The following DNMT1 variants were observed in gnomAD, a reference collection of about 807,000 sequenced individuals.
DNMT1 encodes the protein DNA (cytosine-5)-methyltransferase 1.
A neutral mutation model predicts 205.3 loss-of-function variants in DNMT1; 24 were observed. The observed-to-expected ratio is 0.12, with a 90% CI of 0.08 to 0.16. The LOEUF is 0.16. Among genes scored for constraint, DNMT1 ranks in the 10% least tolerant of loss-of-function variants. The pLI is 1.00. For synonymous variants in DNMT1, 817 were observed against 839.8 expected, an observed-to-expected ratio of 0.97 and a Z score of 0.47; for missense variants, 1,293 against 2,177.7, an observed-to-expected ratio of 0.59 and a Z score of 8.09.
chr19:10,151,165 C>T lies in DNMT1; in HGVS notation c.2265+233G>A, dbSNP rs1231173264. ...GATGCCCCTAGAACTGTGTCAAATG[C>T]CCATTTTGGGACATTAGGAGAACTG... is the stretch of plus-strand genomic sequence containing the variant. On this transcript the variant is annotated intron_variant, in intron 24 of 40. Transcript: ENST00000359526. This position sits in a 1 kb window ranked among gnomAD's most constrained non-coding sequence, Gnocchi z 5.0. 1.3e-5 allele frequency among the ~76,000 whole-genome samples: 2 copies of T among 152,164 alleles called. No homozygotes were observed. Among genetic ancestry groups the T allele is most frequent in the Non-Finnish European group, 2.9e-5 (2 of 68,028 alleles).
At chr19:10,173,945 T>C in intron 7 of DNMT1, 40 bp from the exon 8 acceptor site, 1 of 1,601,808 alleles carries the variant, frequency 6.2e-7, no homozygotes. Flanking sequence ...ATTAGAATAC[T>C]GGTTTCAAGG....
chr19:10,174,844 G>A (rs949747654), intron 7 of DNMT1, among the ~76,000 whole-genome samples: 1 of 151,388 alleles, frequency 6.6e-6, no homozygotes, highest in African/African-American at 2.4e-5. Context: ...GACCAGCCTG[G>A]GCAACATGGG....
chr19:10,146,625 G>A lies in DNMT1; in HGVS notation c.2721-101C>T. On this transcript the variant is annotated intron_variant, in intron 27 of 40. Coordinates refer to ENST00000359526, the MANE Select transcript of DNMT1 (RefSeq NM_001130823.3). The surrounding 1 kb of genome is among the most constrained non-coding windows in gnomAD (Gnocchi z 4.4). ...ATCCAGAGACTCTGGTAACCAAGAG[G>A]AAAAAACATTTGCAGATGCTAGAAG... 2.7e-6 allele frequency: 4 copies of A among 1,476,568 alleles called. No homozygotes were observed. The highest frequency in any genetic ancestry group is 3.9e-5 in the Admixed American group (2 of 50,986). 91.5% of individuals were successfully genotyped at this position (1,476,568 alleles called of 1,614,324 possible). A position where few individuals can be genotyped will look rare whatever the true frequency, so the allele number is the denominator to read the frequency against.
rs558713316 is a variant in DNMT1 at position 10,137,618 on chromosome 19, G to A, written c.4293+214C>T. 32 of 723,070 alleles carry A rather than the reference G, an allele frequency of 4.4e-5. No homozygotes were observed. The African/African-American group carries it at 5.3e-4, about 12-fold the overall frequency. The allele number at this position is 723,070 out of a possible 1,614,324, so 44.8% of individuals were successfully genotyped here. A position where few individuals can be genotyped will look rare whatever the true frequency, so the allele number is the denominator to read the frequency against. ...GGCAGTGGTGGGTGGGCAGTGGCTT[G>A]ACACCATTCCAGACCAAGTCCAGGA... On this transcript the variant is annotated intron_variant, in intron 36 of 40. Transcript: ENST00000359526. The surrounding 1 kb of genome is among the most constrained non-coding windows in gnomAD (Gnocchi z 6.4).
intron 17 of DNMT1, among the ~76,000 whole-genome samples, chr19:10,157,060 C>A (rs183304860): frequency 1.3e-5 from 2 of 152,258 alleles, no homozygotes; most frequent in African/African-American, 4.8e-5. Context: ...ACTTACAGTG[C>A]GGGAAATACC....
In DNMT1 at chr19:10,154,754, C is replaced by A. The variant is rs1315979941; in HGVS notation, c.1664G>T (p.Gly555Val). Reference protein sequence around the residue: ...NKIETTVPPSGLNLNRFTEDS... With the variant: ...NKIETTVPPSVLNLNRFTEDS... Reference sequence around the variant, plus strand: ...CTCTGTGAAGCGGTTCAAGTTGAGGCCAGAAGGAGGAACCGTGGTCTTGAA... The same window carrying A: ...CTCTGTGAAGCGGTTCAAGTTGAGGACAGAAGGAGGAACCGTGGTCTTGAA... The change falls in exon 21 of 41, where the codon GGC (glycine) becomes GTC (valine). Residue 555 changes from glycine (G) to valine (V), a missense_variant. Coordinates refer to ENST00000359526, the MANE Select transcript of DNMT1 (RefSeq NM_001130823.3). The surrounding 1 kb of genome is among the most constrained non-coding windows in gnomAD (Gnocchi z 6.3). The A allele has an allele frequency of 6.2e-7, 1 of 1,614,076 alleles. No homozygotes were observed. Among genetic ancestry groups the A allele is most frequent in the African/African-American group, 1.3e-5 (1 of 74,918 alleles).
At chr19:10,180,036 A>C in intron 5 of DNMT1, 151 bp downstream of exon 5, 2 of 356,270 alleles carry the variant, frequency 5.6e-6, no homozygotes, top group Non-Finnish European at 5.2e-6. Flanking sequence ...AAGCAGGGCC[A>C]GGCGTGGTGG....
Position 10,137,748 on chromosome 19 carries a change from CCT to C in DNMT1, c.4293+82_4293+83del, listed in dbSNP as rs2089519089. On this transcript the variant is annotated intron_variant, in intron 36 of 40. Coordinates refer to ENST00000359526, the MANE Select transcript of DNMT1 (RefSeq NM_001130823.3). The surrounding 1 kb of genome is among the most constrained non-coding windows in gnomAD (Gnocchi z 6.4). ...GCCTGGGATCAGATTCCATGTCTCCCCTGAGTCTTGGGCAGGCTGACTGTTCC... is the reference window on the plus strand; with the variant it reads ...GCCTGGGATCAGATTCCATGTCTCCCGAGTCTTGGGCAGGCTGACTGTTCC... 4 of 1,539,144 alleles carry C rather than the reference CCT, an allele frequency of 2.6e-6. No individual in the cohort carries two copies. The highest frequency in any genetic ancestry group is 2.6e-6 in the Non-Finnish European group (3 of 1,133,100).
intron 22 of DNMT1, among the ~76,000 whole-genome samples, chr19:10,152,837 T>C (rs1412408432): frequency 6.6e-6 from 1 of 150,960 alleles, no homozygotes; most frequent in Non-Finnish European, 1.5e-5. Flanking sequence ...CAGTGCCTCA[T>C]GCCTCTAATC....
At chr19:10,192,281 G>T (rs2039318175) in intron 1 of DNMT1, among the ~76,000 whole-genome samples, 1 of 151,378 alleles carries the variant, frequency 6.6e-6, no homozygotes, top group African/African-American at 2.4e-5. Context: ...GTGAGATCCT[G>T]TCTCTTAAAA....
At position 10,156,598 on chromosome 19, in the gene DNMT1, G is replaced by A. The variant is rs1192346214; in HGVS notation, c.1281-89C>T. On this transcript the variant is annotated intron_variant, in intron 17 of 40. Coordinates refer to ENST00000359526, the MANE Select transcript of DNMT1 (RefSeq NM_001130823.3). The surrounding 1 kb of genome is among the most constrained non-coding windows in gnomAD (Gnocchi z 4.2). ...TCAGATCAGGCACGAGGCAATGAGA[G>A]AATGTACAAGTCTGACACTCTTTTT... 3 of 909,202 alleles carry A rather than the reference G, an allele frequency of 3.3e-6. No homozygotes were observed. Among genetic ancestry groups the A allele is most frequent in the East Asian group, 2.5e-5 (1 of 40,316 alleles). The allele number at this position is 909,202 out of a possible 1,614,324, so 56.3% of individuals were successfully genotyped here.
intron 19 of DNMT1, among the ~76,000 whole-genome samples, chr19:10,155,533 T>C (rs1261921946): frequency 1.3e-5 from 2 of 152,144 alleles, no homozygotes; most frequent in South Asian, 2.1e-4. Context: ...AGAGGGGGTT[T>C]CACCATGTTG....
intron 10 of DNMT1, 58 bp downstream of exon 10, chr19:10,168,272 A>G: frequency 6.3e-7 from 1 of 1,599,036 alleles, no homozygotes; most frequent in African/African-American, 1.3e-5. Flanking sequence ...TTACCAAGAT[A>G]CTTATGTTAG....
At position 10,154,538 on chromosome 19, in the gene DNMT1, A is replaced by G; in HGVS notation, c.1832+48T>C. The G allele has an allele frequency of 6.2e-7, 1 of 1,613,324 alleles. No individual in the cohort carries two copies. The highest frequency in any genetic ancestry group is 8.5e-7 in the Non-Finnish European group (1 of 1,179,854). Reference sequence around the variant, plus strand: ...GGACAGAGGATGTGGGCCATGCTCTACCCTCCCCGGTCTCCAGTCTTCACT... The same window carrying G: ...GGACAGAGGATGTGGGCCATGCTCTGCCCTCCCCGGTCTCCAGTCTTCACT... On this transcript the variant is annotated intron_variant, in intron 21 of 40. Coordinates refer to ENST00000359526, the MANE Select transcript of DNMT1 (RefSeq NM_001130823.3). The surrounding 1 kb of genome is among the most constrained non-coding windows in gnomAD (Gnocchi z 6.3).
chr19:10,133,647 G>A lies in DNMT1; in HGVS notation c.*20C>T, dbSNP rs1374673908. ...TTGGGGATTCCTGGTGCCAGAAACA[G>A]GGGTGACGGGAGGGCAGAACTAGTC... On this transcript the variant is annotated 3_prime_UTR_variant, in exon 41 of 41. Transcript: ENST00000359526. This position sits in a 1 kb window ranked among gnomAD's most constrained non-coding sequence, Gnocchi z 4.1. 5 of 1,596,236 alleles carry A rather than the reference G, an allele frequency of 3.1e-6. No homozygotes were observed. In the African/African-American group the frequency reaches 6.7e-5, roughly 21 times the overall value.
intron 1 of DNMT1, among the ~76,000 whole-genome samples, chr19:10,194,033 C>A (rs1264703058): frequency 6.6e-6 from 1 of 152,198 alleles, no homozygotes; most frequent in Non-Finnish European, 1.5e-5. Flanking sequence ...CATGAACACA[C>A]ACAAACACAC....
At chr19:10,136,607 T>A in intron 37 of DNMT1, among the ~76,000 whole-genome samples, 1 of 152,092 alleles carries the variant, frequency 6.6e-6, no homozygotes, top group Non-Finnish European at 1.5e-5. Context: ...GGCTAATTTT[T>A]GTAGTTTTAA....
chr19:10,148,684 G>A (rs142164847), intron 27 of DNMT1, among the ~76,000 whole-genome samples, 200 bp downstream of exon 27: 9 of 152,132 alleles, frequency 5.9e-5, no homozygotes, highest in Non-Finnish European at 1.0e-4. Flanking sequence ...CAAAGACAAC[G>A]CCAGGTCATC....
chr19:10,155,818 G>A (rs1409207291), intron 19 of DNMT1, 35 bp downstream of exon 19: 1 of 1,600,164 alleles, frequency 6.2e-7, no homozygotes, highest in South Asian at 1.1e-5. Context: ...GCCCCTTTCA[G>A]ACCCCGGCCA....
Sources: allele counts gnomAD v4.1 joint callset (sites outside exome capture counted in the v4.1 genomes callset), GRCh38; gene constraint gnomAD v4.1.1; non-coding constraint Gnocchi (gnomAD v3.1); transcripts MANE v1.5; gene names NCBI Gene and HGNC (gene_info 2026-07-23, HGNC 2026-07-21).